TRHDE: variants seen among roughly 807,000 people sequenced by gnomAD.
The protein encoded by TRHDE is thyrotropin releasing hormone degrading enzyme, also known as thyrotropin-releasing hormone-degrading ectoenzyme.
In TRHDE, 72 loss-of-function variants were observed where a neutral mutation model predicts 125.7. That is an observed-to-expected ratio of 0.57 (90% CI 0.47 to 0.70). TRHDE has a LOEUF of 0.70. Ranked by LOEUF, TRHDE falls within the 30% of genes least tolerant of loss-of-function variation. The probability of loss-of-function intolerance (pLI) is 0.00; values close to 1 mark genes in which losing one functional copy is unlikely to be tolerated. For missense variants in TRHDE, 1,110 were observed against 1,327.1 expected, an observed-to-expected ratio of 0.84 and a Z score of 2.54; for synonymous variants, 509 against 509.1, an observed-to-expected ratio of 1.00 and a Z score of 0.00.
intron 2 of TRHDE, among the ~76,000 whole-genome samples, chr12:72,366,256 T>C (rs1755958566): frequency 6.6e-6 from 1 of 152,094 alleles, no homozygotes; most frequent in African/African-American, 2.4e-5. Flanking sequence ...CACACACATA[T>C]TTAGAAAAAT....
chr12:72,242,237 T>C (rs182099675), intron 2 of TRHDE, among the ~76,000 whole-genome samples: 2 of 152,342 alleles, frequency 1.3e-5, no homozygotes, highest in East Asian at 3.9e-4. Context: ...TTGAATTTGG[T>C]TATCAAAGTT....
chr12:72,156,515 T>C (rs1240244052), intron 2 of TRHDE, among the ~76,000 whole-genome samples: 1 of 152,092 alleles, frequency 6.6e-6, no homozygotes, highest in Non-Finnish European at 1.5e-5. Context: ...CTGGATCTGT[T>C]CCTATGCGGC....
chr12:72,377,975 T>A lies in TRHDE; in HGVS notation c.1189-20T>A, dbSNP rs1592401761. The A allele has an allele frequency of 6.5e-7, 1 of 1,535,372 alleles. No individual in the cohort carries two copies. Among genetic ancestry groups the A allele is most frequent in the South Asian group, 1.2e-5 (1 of 80,104 alleles). ...AAGTGCTAAAAGGCTAAAGTAACTTTTATATATATTTTTAATTAGGTACGA... is the reference window on the plus strand; with the variant it reads ...AAGTGCTAAAAGGCTAAAGTAACTTATATATATATTTTTAATTAGGTACGA... On this transcript the variant is annotated intron_variant, in intron 2 of 18. Coordinates refer to ENST00000261180, the MANE Select transcript of TRHDE (RefSeq NM_013381.3).
chr12:72,124,970 T>C lies in TRHDE; in HGVS notation n.279+19218T>C, dbSNP rs565157285. The stretch of plus-strand genomic sequence containing the variant: ...AGATATGAACTTTTTTCTTTTAAAG[T>C]TTTAGGTTTTTAAATGTTGAGTCAT... On this transcript the variant is annotated intron_variant and non_coding_transcript_variant, in intron 2 of 4. Coordinates refer to the TRHDE transcript ENST00000548156. Among the ~76,000 whole-genome samples the C allele has an allele frequency of 1.5e-3, 227 of 152,286 alleles. 1 individual carries two copies. The highest frequency in any genetic ancestry group is 5.0e-3 in the African/African-American group (208 of 41,564).
intron 6 of TRHDE, among the ~76,000 whole-genome samples, chr12:72,531,602 T>C (rs1053677708): frequency 6.6e-6 from 1 of 152,086 alleles, no homozygotes; most frequent in East Asian, 1.9e-4. Context: ...GCATTGTATA[T>C]TGAGTTCTGT....
At chr12:72,392,862 T>C (rs1872659681) in intron 3 of TRHDE, among the ~76,000 whole-genome samples, 1 of 152,178 alleles carries the variant, frequency 6.6e-6, no homozygotes, top group African/African-American at 2.4e-5. Flanking sequence ...AAATAACTAG[T>C]ACATTTTTTT....
intron 15 of TRHDE, among the ~76,000 whole-genome samples, chr12:72,632,178 A>G (rs1226436416): frequency 1.3e-5 from 2 of 152,050 alleles, no homozygotes; most frequent in South Asian, 2.1e-4. Flanking sequence ...ATGGTAACTA[A>G]TGTTTCATTC....
intron 15 of TRHDE, among the ~76,000 whole-genome samples, chr12:72,639,831 G>A (rs1425828295): frequency 6.6e-6 from 1 of 152,178 alleles, no homozygotes; most frequent in African/African-American, 2.4e-5. Context: ...CAGCAGTCAG[G>A]GACCCACTTG....
chr12:72,443,987 G>C (rs1875150500), intron 3 of TRHDE, among the ~76,000 whole-genome samples: 1 of 151,812 alleles, frequency 6.6e-6, no homozygotes, highest in South Asian at 2.1e-4. Context: ...GACAGAGCCT[G>C]GAAGATATTG....
chr12:72,625,196 A>G (rs888042163), intron 15 of TRHDE, among the ~76,000 whole-genome samples: 6 of 151,920 alleles, frequency 3.9e-5, no homozygotes, highest in African/African-American at 1.4e-4. Flanking sequence ...TAAGTAATAA[A>G]TTTGACCAGA....
chr12:72,171,968 A>G (rs1439780917), intron 2 of TRHDE, among the ~76,000 whole-genome samples: 2 of 152,142 alleles, frequency 1.3e-5, no homozygotes, highest in Non-Finnish European at 2.9e-5. Context: ...CCACTGTTCA[A>G]TTGCCCTGTG....
At chr12:72,106,596 T>C (rs1167940869) in intron 2 of TRHDE, among the ~76,000 whole-genome samples, 1 of 152,156 alleles carries the variant, frequency 6.6e-6, no homozygotes, top group Non-Finnish European at 1.5e-5. Flanking sequence ...TTTTGTAATA[T>C]TGATCCCTCA....
chr12:72,553,741 C>T (rs1039840324), intron 7 of TRHDE, among the ~76,000 whole-genome samples: 6 of 151,910 alleles, frequency 3.9e-5, no homozygotes, highest in Non-Finnish European at 7.4e-5. Flanking sequence ...CCACACCCCC[C>T]ACCCCACCCA....
At chr12:72,400,711 T>C (rs1456228132) in intron 3 of TRHDE, among the ~76,000 whole-genome samples, 1 of 152,284 alleles carries the variant, frequency 6.6e-6, no homozygotes, top group African/African-American at 2.4e-5. Flanking sequence ...TTAAACCACA[T>C]ATTTTATTTT....
chr12:72,475,875 G>C (rs866087720), intron 5 of TRHDE, among the ~76,000 whole-genome samples: 2 of 152,192 alleles, frequency 1.3e-5, no homozygotes, highest in Middle Eastern at 3.4e-3. Flanking sequence ...ACAGTTAATA[G>C]TGAGAAGAAA....
intron 3 of TRHDE, among the ~76,000 whole-genome samples, chr12:72,413,334 G>A (rs1367193251): frequency 6.6e-6 from 1 of 151,790 alleles, no homozygotes; most frequent in Non-Finnish European, 1.5e-5. Context: ...ATCCAATATG[G>A]TAGCCACTAG....
intron 2 of TRHDE, among the ~76,000 whole-genome samples, chr12:72,171,184 C>T (rs1383752830): frequency 6.6e-6 from 1 of 151,906 alleles, no homozygotes; most frequent in Non-Finnish European, 1.5e-5. Context: ...GATAGATTCT[C>T]CTCAAAAGGA....
At chr12:72,324,644 A>G (rs777979444) in intron 2 of TRHDE, among the ~76,000 whole-genome samples, 25 of 152,234 alleles carry the variant, frequency 1.6e-4, no homozygotes, top group Non-Finnish European at 2.9e-4. Context: ...ATGGTGAAAG[A>G]TGGGCTGGTT....
At chr12:72,125,439 T>G (rs1359325570) in intron 2 of TRHDE, among the ~76,000 whole-genome samples, 1 of 152,128 alleles carries the variant, frequency 6.6e-6, no homozygotes, top group Non-Finnish European at 1.5e-5. Context: ...TTGGTTATAT[T>G]TTTGGTATTA....
Sources: allele counts gnomAD v4.1 joint callset (sites outside exome capture counted in the v4.1 genomes callset), GRCh38; gene constraint gnomAD v4.1.1; transcripts MANE v1.5; gene names NCBI Gene and HGNC (gene_info 2026-07-23, HGNC 2026-07-21).